ZFAND3: variants seen among roughly 807,000 people sequenced by gnomAD.
ZFAND3 encodes zinc finger AN1-type containing 3.
In ZFAND3, 10 loss-of-function variants were observed where a neutral mutation model predicts 29.6. The ratio of observed to expected loss-of-function variants is 0.34; its 90% confidence interval spans 0.21 to 0.57. The LOEUF (loss-of-function observed/expected upper bound fraction) is 0.57, where lower values mean the gene tolerates loss of function less well. ZFAND3 is among the 20% of genes least tolerant of loss of function. ZFAND3 has a pLI of 0.86. For missense variants in ZFAND3, 230 were observed against 304.5 expected (o/e 0.76, Z 1.82); for synonymous variants, 128 against 112.6 (o/e 1.14, Z -0.87).
At chr6:38,095,568 G>A (rs779010381) in intron 4 of ZFAND3, among the ~76,000 whole-genome samples, 1 of 151,944 alleles carries the variant, frequency 6.6e-6, no homozygotes. Flanking sequence ...GTAAGCCCGC[G>A]GTGACATCCT....
chr6:37,955,228 G>A (rs1270707039), intron 2 of ZFAND3, among the ~76,000 whole-genome samples: 3 of 151,866 alleles, frequency 2.0e-5, no homozygotes, highest in Admixed American at 1.3e-4. Flanking sequence ...GATACATTTT[G>A]GCAGTCTATT....
chr6:38,153,942 A>G lies in ZFAND3; in HGVS notation c.*1553A>G. The G allele has an allele frequency of 1.0e-6, 1 of 985,444 alleles. No homozygotes were observed. The highest frequency in any genetic ancestry group is 1.2e-6 in the Non-Finnish European group (1 of 829,946). The allele number at this position is 985,444 out of a possible 1,614,324, so 61.0% of individuals were successfully genotyped here. A position where few individuals can be genotyped will look rare whatever the true frequency, so the allele number is the denominator to read the frequency against. On this transcript the variant is annotated 3_prime_UTR_variant, in exon 6 of 6. Coordinates refer to ENST00000287218, the MANE Select transcript of ZFAND3 (RefSeq NM_021943.3). ...ACAAATGGTTCAACTCTGTCTGCAA[A>G]TTAACAGCTGAACACCTGCAACTGC...
intron 3 of ZFAND3, among the ~76,000 whole-genome samples, chr6:38,068,406 A>G (rs766421932): frequency 1.2e-4 from 19 of 152,204 alleles, no homozygotes; most frequent in Non-Finnish European, 2.2e-4. Flanking sequence ...CTGTGCTACA[A>G]TAGCAGAGTT....
At position 38,104,192 on chromosome 6, in the gene ZFAND3, A is replaced by G. The variant is rs1179537248; in HGVS notation, c.362-12380A>G. Reference sequence around the variant, plus strand: ...GCAATGCCCTTTCAGTAATTAGTGCAGTGGAAATGGCACTTAACAAACAGG... The same window carrying G: ...GCAATGCCCTTTCAGTAATTAGTGCGGTGGAAATGGCACTTAACAAACAGG... On this transcript the variant is annotated intron_variant, in intron 4 of 5. Coordinates refer to ENST00000287218, the MANE Select transcript of ZFAND3 (RefSeq NM_021943.3). Among the ~76,000 whole-genome samples, 9 of 152,266 alleles carry G rather than the reference A, an allele frequency of 5.9e-5. No individual in the cohort carries two copies. The East Asian group carries it at 1.5e-3, about 26-fold the overall frequency.
intron 5 of ZFAND3, among the ~76,000 whole-genome samples, chr6:38,124,225 C>T (rs1254952296): frequency 6.6e-6 from 1 of 152,252 alleles, no homozygotes; most frequent in Non-Finnish European, 1.5e-5. Context: ...CATAAAGGTT[C>T]TCCAAGTCCC....
rs1292364002 is a variant in ZFAND3 at position 37,819,865 on chromosome 6, C to G, written c.-81C>G. The G allele has an allele frequency of 2.8e-6, 3 of 1,071,752 alleles. No individual in the cohort carries two copies. Among genetic ancestry groups the G allele is most frequent in the Non-Finnish European group, 3.5e-6 (3 of 868,534 alleles). The allele number at this position is 1,071,752 out of a possible 1,614,324, so 66.4% of individuals were successfully genotyped here. On this transcript the variant is annotated 5_prime_UTR_variant, in exon 1 of 6. Coordinates refer to ENST00000287218, the MANE Select transcript of ZFAND3 (RefSeq NM_021943.3). ...CCCGCCCCGAGCCCCCCGACGCCGC[C>G]GCCACCGCCTCCTCAGAGCGGGGCC... is the stretch of plus-strand genomic sequence containing the variant.
chr6:37,824,953 AAACAT>A (rs1561901439), intron 1 of ZFAND3, among the ~76,000 whole-genome samples: 1 of 152,240 alleles, frequency 6.6e-6, no homozygotes, highest in Non-Finnish European at 1.5e-5. Flanking sequence ...AGTTGATTGA[AAACAT>A]AACATGATTT....
chr6:38,027,051 C>T (rs1024282572), intron 2 of ZFAND3, among the ~76,000 whole-genome samples: 1 of 152,130 alleles, frequency 6.6e-6, no homozygotes, highest in Non-Finnish European at 1.5e-5. Context: ...CCCCAGTCCA[C>T]GAAGAGAGGT....
intron 3 of ZFAND3, among the ~76,000 whole-genome samples, chr6:38,063,434 C>G (rs914975206): frequency 6.6e-6 from 1 of 152,144 alleles, no homozygotes; most frequent in Non-Finnish European, 1.5e-5. Context: ...TAGGACAGTC[C>G]TCTGCAACAA....
intron 2 of ZFAND3, among the ~76,000 whole-genome samples, chr6:37,999,262 T>C (rs897927251): frequency 1.3e-5 from 2 of 151,974 alleles, no homozygotes; most frequent in Admixed American, 6.6e-5. Flanking sequence ...AAAATAAATA[T>C]CCATGAGTCC....
At chr6:38,111,220 G>C (rs1196329278) in intron 4 of ZFAND3, among the ~76,000 whole-genome samples, 2 of 152,078 alleles carry the variant, frequency 1.3e-5, no homozygotes, top group Admixed American at 6.5e-5. Flanking sequence ...TAAAATTACT[G>C]TACAACCAGC....
intron 2 of ZFAND3, among the ~76,000 whole-genome samples, chr6:37,990,101 T>A (rs191106485): frequency 1.2e-4 from 19 of 152,360 alleles, no homozygotes; most frequent in Non-Finnish European, 1.5e-5. Flanking sequence ...GAGGGCTTGT[T>A]AAACTATAGA....
intron 1 of ZFAND3, among the ~76,000 whole-genome samples, chr6:37,879,445 A>G (rs1764852697): frequency 6.6e-6 from 1 of 151,936 alleles, no homozygotes; most frequent in South Asian, 2.1e-4. Flanking sequence ...ATTATTCTTG[A>G]TACCCACATG....
At chr6:38,071,208 T>C (rs1354200535) in intron 3 of ZFAND3, among the ~76,000 whole-genome samples, 1 of 152,018 alleles carries the variant, frequency 6.6e-6, no homozygotes, top group African/African-American at 2.4e-5. Context: ...TTTGAGTGCC[T>C]TGTATTCATT....
chr6:38,143,880 C>T (rs1766013258), intron 5 of ZFAND3, among the ~76,000 whole-genome samples: 1 of 152,122 alleles, frequency 6.6e-6, no homozygotes, highest in South Asian at 2.1e-4. Context: ...CAGATGCCTT[C>T]CATTCCCAAA....
At chr6:38,012,379 T>G (rs1429832687) in intron 2 of ZFAND3, among the ~76,000 whole-genome samples, 2 of 61,022 alleles carry the variant, frequency 3.3e-5, no homozygotes, top group African/African-American at 4.3e-5. Flanking sequence ...TTGATAGTAT[T>G]TTTTTTTTTT....
At chr6:37,903,901 G>A (rs776250973) in intron 1 of ZFAND3, among the ~76,000 whole-genome samples, 1 of 152,104 alleles carries the variant, frequency 6.6e-6, no homozygotes, top group African/African-American at 2.4e-5. Context: ...GCAATATGAC[G>A]AAATTCTGAA....
chr6:38,039,376 A>G (rs1333075912), intron 2 of ZFAND3, among the ~76,000 whole-genome samples: 2 of 152,220 alleles, frequency 1.3e-5, no homozygotes, highest in Non-Finnish European at 2.9e-5. Flanking sequence ...ACCTAAGGTC[A>G]TGGAATGACC....
chr6:38,035,369 T>A (rs1361742345), intron 2 of ZFAND3, among the ~76,000 whole-genome samples: 1 of 152,208 alleles, frequency 6.6e-6, no homozygotes, highest in Non-Finnish European at 1.5e-5. Context: ...CTTATGCTGC[T>A]CTAATTTTGC....
Sources: gnomAD v4.1 joint callset for allele counts (sites outside exome capture counted in the v4.1 genomes callset) on GRCh38, gnomAD v4.1.1 for gene constraint, MANE v1.5 for transcripts, NCBI Gene and HGNC (gene_info 2026-07-23, HGNC 2026-07-21) for gene names.